ZDHHC11: variants seen among roughly 807,000 people sequenced by gnomAD.
ZDHHC11 encodes palmitoyltransferase ZDHHC11.
A neutral mutation model predicts 51.3 loss-of-function variants in ZDHHC11; 44 were observed. The ratio of observed to expected loss-of-function variants is 0.86; its 90% CI spans 0.67 to 1.10. The LOEUF is 1.10. ZDHHC11 is among the 50% of genes least tolerant of loss of function. ZDHHC11 has a pLI of 0.00. For synonymous variants in ZDHHC11, 163 were observed against 222.0 expected, an observed-to-expected ratio of 0.73 and a Z score of 2.36; for missense variants, 400 against 537.7, an observed-to-expected ratio of 0.74 and a Z score of 2.53.
intron 11 of ZDHHC11, among the ~76,000 whole-genome samples, chr5:801,414 C>A (rs1383600026): frequency 1.3e-5 from 2 of 151,866 alleles, no homozygotes; most frequent in Non-Finnish European, 2.9e-5. Context: ...TGTGCTTTCC[C>A]TGATAAATAA....
chr5:850,647 A>G lies in ZDHHC11; in HGVS notation c.-45T>C. The G allele has an allele frequency of 6.3e-7, 1 of 1,595,338 alleles. No individual in the cohort carries two copies. Among genetic ancestry groups the G allele is most frequent in the Non-Finnish European group, 8.5e-7 (1 of 1,174,096 alleles). On this transcript the variant is annotated 5_prime_UTR_variant, in exon 1 of 13. Transcript: ENST00000283441. ...AGGACCTGCGCCGTCAGATCCTGGGAGGGCCGGCCCCGCCCACTGTCACAG... is the reference window on the plus strand; with the variant it reads ...AGGACCTGCGCCGTCAGATCCTGGGGGGGCCGGCCCCGCCCACTGTCACAG...
chr5:811,164 A>G (rs1351457821), intron 11 of ZDHHC11, among the ~76,000 whole-genome samples: 1 of 141,888 alleles, frequency 7.0e-6, no homozygotes, highest in Non-Finnish European at 1.5e-5. Flanking sequence ...AAAGTTTACA[A>G]TCCTGGTCAC....
intron 11 of ZDHHC11, among the ~76,000 whole-genome samples, chr5:803,162 C>CA (rs1301792067): frequency 1.3e-5 from 2 of 151,312 alleles, no homozygotes; most frequent in Non-Finnish European, 3.0e-5. Flanking sequence ...GCTGATGTCA[C>CA]AGTGAGCATC....
At chr5:834,809 C>A (rs1680827612) in intron 6 of ZDHHC11, among the ~76,000 whole-genome samples, 1 of 151,946 alleles carries the variant, frequency 6.6e-6, no homozygotes, top group South Asian at 2.1e-4. Context: ...ACTTTTAATT[C>A]AGACACATAG....
rs56961185 is a variant in ZDHHC11, at chr5:808,984, T to TACACACACACACAC, written c.1181+5763_1181+5776dup. On this transcript the variant is annotated intron_variant, in intron 11 of 12. Coordinates refer to ENST00000283441, the MANE Select transcript of ZDHHC11 (RefSeq NM_024786.3). ...CATGCTCCATCTTTTGACCATCAGT[T>TACACACACACACAC]ACACACACACACACACACACACACA... Among the ~76,000 whole-genome samples the TACACACACACACAC allele has an allele frequency of 5.3e-3, 713 of 133,808 alleles. 6 individuals carry two copies. Among genetic ancestry groups the TACACACACACACAC allele is most frequent in the East Asian group, 0.023 (106 of 4,646 alleles). 87.8% of individuals were successfully genotyped at this position (133,808 alleles called of 152,430 possible).
intron 4 of ZDHHC11, among the ~76,000 whole-genome samples, chr5:842,976 C>T (rs1745288466): frequency 6.6e-6 from 1 of 152,264 alleles, no homozygotes; most frequent in Non-Finnish European, 1.5e-5. Context: ...CCAGCACGAC[C>T]CTCCCACCTC....
At chr5:849,826 G>A (rs1156353974) in intron 1 of ZDHHC11, 1 of 153,776 alleles carries the variant, frequency 6.5e-6, no homozygotes, top group Admixed American at 6.4e-5. Context: ...GACAAACACA[G>A]ACTCTCCATG....
At chr5:819,102 C>A (rs1332785170) in intron 10 of ZDHHC11, among the ~76,000 whole-genome samples, 1 of 151,636 alleles carries the variant, frequency 6.6e-6, no homozygotes, top group Non-Finnish European at 1.5e-5. Flanking sequence ...CTATTCCCAT[C>A]TGTCTCCTAC....
Position 819,590 on chromosome 5 carries a change from GCCGGGAGTT to G in ZDHHC11, c.1072_1080del (p.Asn358_Arg360del), listed in dbSNP as rs1741299261. 5 of 1,609,618 alleles carry G rather than the reference GCCGGGAGTT, an allele frequency of 3.1e-6. No homozygotes were observed. The Admixed American group carries it at 8.3e-5, about 27-fold the overall frequency. ...AACTGACACAGGCGCCTGCAAATCA[GCCGGGAGTT>G]CCTGGCCTTGGCTCTGGTGGGGCAA... On this transcript the variant is annotated inframe_deletion, in exon 10 of 13. Coordinates refer to ENST00000283441, the MANE Select transcript of ZDHHC11 (RefSeq NM_024786.3).
intron 3 of ZDHHC11, among the ~76,000 whole-genome samples, chr5:844,055 G>C (rs1274048487): frequency 2.0e-5 from 3 of 151,838 alleles, no homozygotes; most frequent in Admixed American, 6.5e-5. Context: ...GGGACGCGCA[G>C]GGCATCTGGA....
chr5:854,909 C>A, upstream of ZDHHC11, among the ~76,000 whole-genome samples: 2 of 119,064 alleles, frequency 1.7e-5, no homozygotes, highest in African/African-American at 3.3e-5. Context: ...GTCAGACTGC[C>A]CAGAGGACAG....
At position 814,770 on chromosome 5, in the gene ZDHHC11, G is replaced by C. The variant is rs753210150; in HGVS notation, c.1172C>G (p.Ser391Cys). ...AQEADDAPSI[S>C]TLGLQQETTE... ...AAACTTACGAACTTACCCAAGTGTA[G>C]ATATACTCGGGGCATCATCTGCTTC... Residue 391 changes from serine to cysteine, a missense_variant, in exon 11 of 13, where the codon TCT (serine) becomes TGT (cysteine). Ser to Cys is a moderately radical substitution (Grantham distance 112). Coordinates refer to ENST00000283441, the MANE Select transcript of ZDHHC11 (RefSeq NM_024786.3). The C allele has an allele frequency of 1.3e-6, 2 of 1,561,786 alleles. No homozygotes were observed. The highest frequency in any genetic ancestry group is 1.7e-6 in the Non-Finnish European group (2 of 1,154,110).
chr5:853,560 A>T (rs72491328), upstream of ZDHHC11, among the ~76,000 whole-genome samples: 2 of 140,014 alleles, frequency 1.4e-5, no homozygotes, highest in African/African-American at 5.5e-5. Context: ...CAGACCCCAC[A>T]GAGGACAGCA....
In ZDHHC11 at chr5:848,784, C is replaced by T. The variant is rs926559787; in HGVS notation, c.223-124G>A. 1.4e-5 allele frequency: 19 copies of T among 1,397,440 alleles called. No individual in the cohort carries two copies. In the African/African-American group the frequency reaches 1.9e-4, roughly 14 times the overall value. The allele number at this position is 1,397,440 out of a possible 1,614,324, so 86.6% of individuals were successfully genotyped here. A position where few individuals can be genotyped will look rare whatever the true frequency, so the allele number is the denominator to read the frequency against. The stretch of plus-strand genomic sequence containing the variant: ...AGCCCTGCTCACCCAGCCCTGCACA[C>T]GTGAGCCCAGCTCACCCAGGCCTGG... On this transcript the variant is annotated intron_variant, in intron 1 of 12. Coordinates refer to ENST00000283441, the MANE Select transcript of ZDHHC11 (RefSeq NM_024786.3).
At chr5:804,382 A>G (rs113651780) in intron 11 of ZDHHC11, among the ~76,000 whole-genome samples, 1 of 151,300 alleles carries the variant, frequency 6.6e-6, no homozygotes, top group South Asian at 2.1e-4. Flanking sequence ...ACTTACTGAG[A>G]GTCTTGGAAC....
chr5:823,741 C>T, intron 8 of ZDHHC11: 1 of 238,616 alleles, frequency 4.2e-6, no homozygotes, highest in Non-Finnish European at 8.7e-6. Context: ...TCAGACCAGG[C>T]CTCATGTGGC....
rs143457835 is a variant in ZDHHC11, at chr5:850,403, G to A, written c.200C>T (p.Ala67Val). ...TACCACGTAGGCAATGTATTTCCAC[G>A]CGTGAGGCAGGAAGGGAATGAAGAT... is the stretch of plus-strand genomic sequence containing the variant. Reference protein sequence around the residue: ...FGIFIPFLPHAWKYIAYVVTG... With the variant: ...FGIFIPFLPHVWKYIAYVVTG... The change falls in exon 1 of 13, where the codon GCG becomes GTG. Residue 67 changes from alanine to valine, a missense_variant. Physicochemically the swap from Ala to Val is moderately conservative, Grantham distance 64 (BLOSUM62 0). Coordinates refer to ENST00000283441, the MANE Select transcript of ZDHHC11 (RefSeq NM_024786.3). 1.2e-4 allele frequency: 186 copies of A among 1,613,614 alleles called. No individual in the cohort carries two copies. The African/African-American group carries it at 1.9e-3, about 17-fold the overall frequency.
intron 10 of ZDHHC11, chr5:816,760 G>A (rs529371632): frequency 3.2e-5 from 16 of 495,636 alleles, no homozygotes; most frequent in Non-Finnish European, 6.3e-5. Flanking sequence ...CCACAGAAAA[G>A]AGCCTACAGG....
Position 848,544 on chromosome 5 carries a change from G to A in ZDHHC11, c.339C>T (p.Phe113=). Residue 113 remains phenylalanine, a synonymous_variant, in exon 2 of 13, where the codon TTC becomes TTT. Coordinates refer to ENST00000283441, the MANE Select transcript of ZDHHC11 (RefSeq NM_024786.3). ...MKNYSQPMPL[F]DRSKHAHVIQ... is the part of the protein sequence containing the mutation. ...TCACGTGTGCATGTTTTGATCTGTCGAAGAGGGGCATGGGCTGAGAATAGT... is the reference window on the plus strand; with the variant it reads ...TCACGTGTGCATGTTTTGATCTGTCAAAGAGGGGCATGGGCTGAGAATAGT... 9 of 1,545,654 alleles carry A rather than the reference G, an allele frequency of 5.8e-6. No individual in the cohort carries two copies. Among genetic ancestry groups the A allele is most frequent in the Admixed American group, 3.8e-5 (2 of 52,334 alleles).
Sources: allele counts gnomAD v4.1 joint callset (sites outside exome capture counted in the v4.1 genomes callset), GRCh38; gene constraint gnomAD v4.1.1; transcripts MANE v1.5; gene names NCBI Gene and HGNC (gene_info 2026-07-23, HGNC 2026-07-21).